The following FOXI1 variants were observed in gnomAD, a reference collection of about 807,000 sequenced individuals.
The protein encoded by FOXI1 is forkhead box I1, also known as forkhead box protein I1.
Under a neutral mutation model 16.4 loss-of-function variants are expected in FOXI1, and 11 were observed. That is an observed-to-expected ratio of 0.67 (90% CI 0.42 to 1.11). FOXI1 has a LOEUF of 1.11. Ranked by LOEUF, FOXI1 falls within the 50% of genes least tolerant of loss-of-function variation. FOXI1 has a pLI of 0.00. For synonymous variants in FOXI1, 218 were observed against 211.5 expected, an observed-to-expected ratio of 1.03 and a Z score of -0.27; for missense variants, 480 against 506.1, an observed-to-expected ratio of 0.95 and a Z score of 0.49.
intron 1 of FOXI1, among the ~76,000 whole-genome samples, chr5:170,107,735 A>C: frequency 6.6e-6 from 1 of 151,572 alleles, no homozygotes; most frequent in Non-Finnish European, 1.5e-5. Flanking sequence ...AAGCCCTCCA[A>C]CCCCCAACCC....
At chr5:170,107,766 G>C (rs892745687) in intron 1 of FOXI1, among the ~76,000 whole-genome samples, 2 of 152,272 alleles carry the variant, frequency 1.3e-5, no homozygotes, top group East Asian at 1.9e-4. Flanking sequence ...CAGCATCCCT[G>C]CTCCCAGTTC....
Position 170,108,965 on chromosome 5 carries a change from G to A in FOXI1, c.*354G>A, listed in dbSNP as rs1020642103. On this transcript the variant is annotated 3_prime_UTR_variant, in exon 2 of 2. Coordinates refer to ENST00000306268, the MANE Select transcript of FOXI1 (RefSeq NM_012188.5). ...AGGAACTGAGGCTCAAGGAGGTTAA[G>A]TAACATTTCCAGGGTTATATAAACT... The A allele has an allele frequency of 4.2e-6, 1 of 240,032 alleles. No homozygotes were observed. Among genetic ancestry groups the A allele is most frequent in the African/African-American group, 2.2e-5 (1 of 44,722 alleles). The allele number at this position is 240,032 out of a possible 1,614,324, so 14.9% of individuals were successfully genotyped here. A position where few individuals can be genotyped will look rare whatever the true frequency, so the allele number is the denominator to read the frequency against.
Position 170,108,267 on chromosome 5 carries a change from G to A in FOXI1, c.793G>A (p.Glu265Lys). The A allele has an allele frequency of 6.2e-7, 1 of 1,614,136 alleles. No individual in the cohort carries two copies. The highest frequency in any genetic ancestry group is 8.5e-7 in the Non-Finnish European group (1 of 1,180,008). Reference sequence around the variant, plus strand: ...ACCAGGGGGCACCACCAGCTCCCCAGAGAAGCGGCCCTCCCCTCCCCCATC... The same window carrying A: ...ACCAGGGGGCACCACCAGCTCCCCAAAGAAGCGGCCCTCCCCTCCCCCATC... Reference protein sequence around the residue: ...ASPGGTTSSPEKRPSPPPSGA... With the variant: ...ASPGGTTSSPKKRPSPPPSGA... The change falls in exon 2 of 2, where the codon GAG becomes AAG. Residue 265 changes from glutamate (E) to lysine (K), a missense_variant. Around this residue, in one of 3 missense-constraint regions of FOXI1, gnomAD observed 257 missense variants for 262.2 expected, o/e 0.98. Transcript: ENST00000306268.
rs934827575 is a variant in FOXI1 at position 170,106,259 on chromosome 5, G to A, written c.302G>A (p.Gly101Glu). The change falls in exon 1 of 2, where the codon GGG becomes GAG. Residue 101 changes from glycine (G) to glutamate (E), a missense_variant. Around this residue, in one of 3 missense-constraint regions of FOXI1, gnomAD observed 219 missense variants for 222.9 expected, o/e 0.98. Coordinates refer to ENST00000306268, the MANE Select transcript of FOXI1 (RefSeq NM_012188.5). ...VQRPLLPSVSGLGGSDLGWLP... is the reference protein window; with the variant it reads ...VQRPLLPSVSELGGSDLGWLP... Reference sequence around the variant, plus strand: ...AGGCCGCTGCTGCCCAGCGTGTCGGGGCTTGGGGGGAGCGACCTGGGCTGG... The same window carrying A: ...AGGCCGCTGCTGCCCAGCGTGTCGGAGCTTGGGGGGAGCGACCTGGGCTGG... The A allele has an allele frequency of 2.5e-6, 4 of 1,580,632 alleles. No individual in the cohort carries two copies. Among genetic ancestry groups the A allele is most frequent in the Non-Finnish European group, 3.4e-6 (4 of 1,163,244 alleles).
At chr5:170,107,141 A>C (rs1758516257) in intron 1 of FOXI1, 1 of 211,596 alleles carries the variant, frequency 4.7e-6, no homozygotes, top group African/African-American at 2.3e-5. Context: ...AATAACACTC[A>C]GAGGTGACAC....
In FOXI1 at chr5:170,108,378, C is replaced by G. The variant is rs762292199; in HGVS notation, c.904C>G (p.Pro302Ala). 6.2e-7 allele frequency: 1 copy of G among 1,614,186 alleles called. No individual in the cohort carries two copies. The highest frequency in any genetic ancestry group is 1.3e-5 in the African/African-American group (1 of 75,052). Residue 302 changes from proline (P) to alanine (A), a missense_variant, in exon 2 of 2, where the codon CCA (proline) becomes GCA (alanine). Pro to Ala is a conservative substitution (Grantham distance 27). This residue lies in a region of FOXI1 where 257 missense variants were observed against 262.2 expected (regional missense o/e 0.98). Transcript: ENST00000306268. ...GSPTSHPLVT[P>A]GLSPEPSDKT... ...CCCCACGAGCCACCCCTTGGTCACACCAGGACTGAGCCCTGAGCCCAGTGA... is the reference window on the plus strand; with the variant it reads ...CCCCACGAGCCACCCCTTGGTCACAGCAGGACTGAGCCCTGAGCCCAGTGA...
intron 1 of FOXI1, 130 bp downstream of exon 1, chr5:170,106,661 G>C: frequency 7.3e-7 from 1 of 1,376,570 alleles, no homozygotes; most frequent in South Asian, 1.3e-5. Flanking sequence ...AGGCAGGACA[G>C]AGGGGAGCTC....
In FOXI1 at chr5:170,108,194, G is replaced by T; in HGVS notation, c.720G>T (p.Val240=). The part of the protein sequence containing the change: ...ALEKTESSLP[V]DSPKTTEPQD... ...AGAAGACAGAGAGCAGTCTCCCGGT[G>T]GACAGCCCCAAGACCACGGAGCCTC... The change falls in exon 2 of 2, where the codon GTG becomes GTT. Residue 240 remains valine, a synonymous_variant. Coordinates refer to ENST00000306268, the MANE Select transcript of FOXI1 (RefSeq NM_012188.5). 1 of 1,614,168 alleles carries T rather than the reference G, an allele frequency of 6.2e-7. No homozygotes were observed. Among genetic ancestry groups the T allele is most frequent in the East Asian group, 2.2e-5 (1 of 44,878 alleles).
intron 1 of FOXI1, 53 bp downstream of exon 1, chr5:170,106,584 C>T: frequency 6.2e-7 from 1 of 1,604,002 alleles, no homozygotes; most frequent in Non-Finnish European, 8.5e-7. Flanking sequence ...CACTTCCTTC[C>T]TCCCCAAGAC....
Position 170,108,470 on chromosome 5 carries a change from C to T in FOXI1, c.996C>T (p.Ser332=), listed in dbSNP as rs559100797. 18 of 1,601,886 alleles carry T rather than the reference C, an allele frequency of 1.1e-5. No homozygotes were observed. Among genetic ancestry groups the T allele is most frequent in the East Asian group, 9.0e-5 (4 of 44,692 alleles). The change falls in exon 2 of 2, where the codon AGC becomes AGT. Residue 332 remains serine (S), a synonymous_variant. Transcript: ENST00000306268. ...FSPLTNLSNH[S]GGGDWANPMP... ...CGCTCACCAACCTCAGCAACCACAG[C>T]GGTGGGGGTGACTGGGCGAACCCCA...
chr5:170,106,923 G>T (rs1179499507), intron 1 of FOXI1: 34 of 926,300 alleles, frequency 3.7e-5, no homozygotes, highest in Non-Finnish European at 4.3e-5. Flanking sequence ...CCAGCACCCA[G>T]CACATAGAAA....
Position 170,109,525 on chromosome 5 carries a change from G to A in FOXI1, c.*914G>A, listed in dbSNP as rs867055048. 10 of 147,000 alleles carry A rather than the reference G, an allele frequency of 6.8e-5. No homozygotes were observed. The highest frequency in any genetic ancestry group is 8.9e-5 in the Non-Finnish European group (6 of 67,698). The allele number at this position is 147,000 out of a possible 1,614,324, so 9.1% of individuals were successfully genotyped here. On this transcript the variant is annotated 3_prime_UTR_variant, in exon 2 of 2. Transcript: ENST00000306268. ...GGCTGAATCTTCCAAGAGAAACAAG[G>A]TTGGATAAGCGCTTCCTTTTTTTTA...
chr5:170,106,360 G>A lies in FOXI1; in HGVS notation c.403G>A (p.Ala135Thr), dbSNP rs1326028840. ...PYSYSALIAMAIHGAPDKRLT... is the reference protein window; with the variant it reads ...PYSYSALIAMTIHGAPDKRLT... Reference sequence around the variant, plus strand: ...TTCCTACTCGGCTCTCATCGCCATGGCCATCCACGGGGCACCCGACAAGCG... The same window carrying A: ...TTCCTACTCGGCTCTCATCGCCATGACCATCCACGGGGCACCCGACAAGCG... The change falls in exon 1 of 2, where the codon GCC (alanine) becomes ACC (threonine). Residue 135 changes from alanine (A) to threonine (T), a missense_variant. Coordinates refer to ENST00000306268, the MANE Select transcript of FOXI1 (RefSeq NM_012188.5). 6.2e-7 allele frequency: 1 copy of A among 1,612,420 alleles called. No homozygotes were observed. Among genetic ancestry groups the A allele is most frequent in the Non-Finnish European group, 8.5e-7 (1 of 1,179,124 alleles).
In FOXI1 at chr5:170,108,445, C is replaced by G; in HGVS notation, c.971C>G (p.Pro324Arg). 1 of 1,603,604 alleles carries G rather than the reference C, an allele frequency of 6.2e-7. No homozygotes were observed. Among genetic ancestry groups the G allele is most frequent in the Admixed American group, 1.7e-5 (1 of 59,642 alleles). Residue 324 changes from proline to arginine, a missense_variant, in exon 2 of 2, where the codon CCG (proline) becomes CGG (arginine). Physicochemically the swap from Pro to Arg is moderately radical, Grantham distance 103. This residue lies in a region of FOXI1 where 257 missense variants were observed against 262.2 expected (regional missense o/e 0.98). Transcript: ENST00000306268. ...TCACTGACCTTCAACTCCTTCTCCCCGCTCACCAACCTCAGCAACCACAGC... is the reference window on the plus strand; with the variant it reads ...TCACTGACCTTCAACTCCTTCTCCCGGCTCACCAACCTCAGCAACCACAGC... ...QNSLTFNSFS[P>R]LTNLSNHSGG... is the part of the protein sequence containing the mutation.
Position 170,109,441 on chromosome 5 carries a change from G to A in FOXI1, c.*830G>A, listed in dbSNP as rs1758600503. The A allele has an allele frequency of 6.6e-6, 1 of 152,230 alleles. No homozygotes were observed. The highest frequency in any genetic ancestry group is 2.1e-4 in the South Asian group (1 of 4,828). 9.4% of individuals were successfully genotyped at this position (152,230 alleles called of 1,614,324 possible). A position where few individuals can be genotyped will look rare whatever the true frequency, so the allele number is the denominator to read the frequency against. On this transcript the variant is annotated 3_prime_UTR_variant, in exon 2 of 2. Transcript: ENST00000306268. ...CCTCCCACCCCAGCACTGCCCATCTGTAAAATCTTGTAAAGCCCAGTTTCC... is the reference window on the plus strand; with the variant it reads ...CCTCCCACCCCAGCACTGCCCATCTATAAAATCTTGTAAAGCCCAGTTTCC...
At chr5:170,107,776 C>G (rs1257600656) in intron 1 of FOXI1, among the ~76,000 whole-genome samples, 1 of 152,184 alleles carries the variant, frequency 6.6e-6, no homozygotes, top group Non-Finnish European at 1.5e-5. Flanking sequence ...GCTCCCAGTT[C>G]TTCATCCTTC....
At position 170,106,265 on chromosome 5, in the gene FOXI1, G is replaced by C. The variant is rs370450076; in HGVS notation, c.308G>C (p.Gly103Ala). The C allele has an allele frequency of 9.7e-4, 1,531 of 1,580,742 alleles. 26 individuals carry two copies. In the South Asian group the frequency reaches 0.016, roughly 16 times the overall value. Residue 103 changes from glycine to alanine, a missense_variant, in exon 1 of 2, where the codon GGG becomes GCG. Gly to Ala is a moderately conservative substitution (Grantham distance 60, BLOSUM62 0). Transcript: ENST00000306268. ...RPLLPSVSGL[G>A]GSDLGWLPIP... ...CTGCTGCCCAGCGTGTCGGGGCTTG[G>C]GGGGAGCGACCTGGGCTGGCTGCCC... is the stretch of plus-strand genomic sequence containing the variant.
Position 170,108,584 on chromosome 5 carries a change from C to T in FOXI1, c.1110C>T (p.Leu370=). 3 of 1,613,580 alleles carry T rather than the reference C, an allele frequency of 1.9e-6. No individual in the cohort carries two copies. Among genetic ancestry groups the T allele is most frequent in the Non-Finnish European group, 2.5e-6 (3 of 1,179,948 alleles). Residue 370 remains leucine, a synonymous_variant, in exon 2 of 2, where the codon CTC becomes CTT. Coordinates refer to ENST00000306268, the MANE Select transcript of FOXI1 (RefSeq NM_012188.5). ...ACAGTGTCAACACCAGTGGTGTCCT[C>T]TACCCCAGGGAGGGCACCGAGGTCT... ...FYNSVNTSGV[L]YPREGTEV is the part of the protein sequence containing the mutation.
chr5:170,106,122 T>C lies in FOXI1; in HGVS notation c.165T>C (p.Tyr55=). 1 of 1,611,928 alleles carries C rather than the reference T, an allele frequency of 6.2e-7. No homozygotes were observed. Residue 55 remains tyrosine (Y), a synonymous_variant, in exon 1 of 2, where the codon TAT becomes TAC. Coordinates refer to ENST00000306268, the MANE Select transcript of FOXI1 (RefSeq NM_012188.5). ...QRPSFEGGGE[Y]GATPNPYLWF... is the part of the protein sequence containing the mutation. ...CCTCCTTCGAGGGGGGCGGCGAGTA[T>C]GGGGCCACCCCCAACCCCTACCTCT...
Sources: gnomAD v4.1 joint callset for allele counts (sites outside exome capture counted in the v4.1 genomes callset) on GRCh38, gnomAD v4.1.1 for gene constraint, gnomAD v4.1.1 regional missense constraint, MANE v1.5 for transcripts, NCBI Gene and HGNC (gene_info 2026-07-23, HGNC 2026-07-21) for gene names.